Variants in MYH8 observed in about 807,000 individuals in gnomAD.
The protein encoded by MYH8 is myosin-8.
In MYH8, 168 loss-of-function variants were observed where a neutral mutation model predicts 233.2. The observed-to-expected ratio is 0.72, with a 90% CI of 0.64 to 0.82. The LOEUF (loss-of-function observed/expected upper bound fraction) is 0.82. MYH8 is among the 40% of genes least tolerant of loss of function. The pLI, the probability that MYH8 is intolerant of heterozygous loss-of-function variation, is 0.00. For synonymous variants in MYH8, 785 were observed against 850.6 expected, an observed-to-expected ratio of 0.92 and a Z score of 1.34; for missense variants, 1,995 against 2,327.8, an observed-to-expected ratio of 0.86 and a Z score of 2.94.
At position 10,401,114 on chromosome 17, in the gene MYH8, G is replaced by T. The variant is rs779916889; in HGVS notation, c.3186C>A (p.Leu1062=). 1 of 1,614,048 alleles carries T rather than the reference G, an allele frequency of 6.2e-7. No homozygotes were observed. The stretch of plus-strand genomic sequence containing the variant: ...CCATTGTGGATTCTTGGGCCAATTT[G>T]AGGTCACCCTCCAGTTTCCGCTTTG... ...ERAKRKLEGD[L]KLAQESTMDM... The change falls in exon 25 of 40, where the codon CTC becomes CTA. Residue 1062 remains leucine, a synonymous_variant. Transcript: ENST00000403437.
Position 10,414,494 on chromosome 17 carries a change from G to GA in MYH8, c.806-11dup, listed in dbSNP as rs1335435522. ...GACTTTTCTAAAAGATCTGGAGAGGGAAATAGATATCGAGTTTGAAAAAAG... is the reference window on the plus strand; with the variant it reads ...GACTTTTCTAAAAGATCTGGAGAGGGAAAATAGATATCGAGTTTGAAAAAAG... On this transcript the variant is annotated splice_polypyrimidine_tract_variant and intron_variant, in intron 9 of 39. Transcript: ENST00000403437. 8 of 1,558,618 alleles carry GA rather than the reference G, an allele frequency of 5.1e-6. No individual in the cohort carries two copies. In the African/African-American group the frequency reaches 8.1e-5, roughly 16 times the overall value.
chr17:10,390,377 A>G lies in MYH8; in HGVS notation c.*77T>C. On this transcript the variant is annotated 3_prime_UTR_variant, in exon 40 of 40. Transcript: ENST00000403437. The stretch of plus-strand genomic sequence containing the variant: ...TTATTCAGCTTTAACAGGAAAATAA[A>G]CGTCATAAAGCAAGTGACCAAAAAT... The G allele has an allele frequency of 1.3e-6, 2 of 1,554,646 alleles. No individual in the cohort carries two copies. Among genetic ancestry groups the G allele is most frequent in the South Asian group, 2.2e-5 (2 of 89,690 alleles).
At chr17:10,406,236 A>C (rs2072191755) in intron 20 of MYH8, 38 bp downstream of exon 20, 1 of 1,614,108 alleles carries the variant, frequency 6.2e-7, no homozygotes, top group Non-Finnish European at 8.5e-7. Flanking sequence ...GAAATGGCAG[A>C]AGGTACTTGG....
Position 10,412,596 on chromosome 17 carries a change from G to A in MYH8, c.1266+14C>T. The A allele has an allele frequency of 1.2e-6, 2 of 1,614,142 alleles. No individual in the cohort carries two copies. The highest frequency in any genetic ancestry group is 8.5e-7 in the Non-Finnish European group (1 of 1,179,964). On this transcript the variant is annotated intron_variant, in intron 13 of 39. Coordinates refer to ENST00000403437, the MANE Select transcript of MYH8 (RefSeq NM_002472.3). ...GCCTGAGATGTGTGTGATTCATTGAGGTCATGCACTTACCTGCTGCACAGT... is the reference window on the plus strand; with the variant it reads ...GCCTGAGATGTGTGTGATTCATTGAAGTCATGCACTTACCTGCTGCACAGT...
In MYH8 at chr17:10,406,923, C is replaced by A; in HGVS notation, c.2022G>T (p.Arg674=). 1 of 1,613,920 alleles carries A rather than the reference C, an allele frequency of 6.2e-7. No homozygotes were observed. Among genetic ancestry groups the A allele is most frequent in the Non-Finnish European group, 8.5e-7 (1 of 1,179,932 alleles). The change falls in exon 18 of 40, where the codon CGG becomes CGT. Residue 674 remains arginine, a synonymous_variant. Coordinates refer to ENST00000403437, the MANE Select transcript of MYH8 (RefSeq NM_002472.3). ...NLRSTHPHFV[R]CIIPNETKTP... is the part of the protein sequence containing the mutation. ...TTTTGGTTTCATTGGGAATGATACA[C>A]CGTACGAAGTGAGGGTGTGTGCTCC...
intron 27 of MYH8, 135 bp from the exon 28 acceptor site, chr17:10,399,804 A>T: frequency 7.7e-7 from 1 of 1,297,030 alleles, no homozygotes. Context: ...ACTCTGTGGA[A>T]CATGCAAGAA....
In MYH8 at chr17:10,400,736, G is replaced by A; in HGVS notation, c.3389C>T (p.Ala1130Val). The change falls in exon 27 of 40, where the codon GCG becomes GTG. Residue 1130 changes from alanine (A) to valine (V), a missense_variant. Ala to Val is a moderately conservative substitution (Grantham distance 64, BLOSUM62 0). This residue lies in a region of MYH8 where 1,498 missense variants were observed against 1,680.9 expected (regional missense o/e 0.89). Coordinates refer to ENST00000403437, the MANE Select transcript of MYH8 (RefSeq NM_002472.3). The surrounding 1 kb of genome is among the most constrained non-coding windows in gnomAD (Gnocchi z 4.0). ...ELGEEIEAERASRAKAEKQRS... is the reference protein window; with the variant it reads ...ELGEEIEAERVSRAKAEKQRS... ...CTGCTTCTCCGCTTTGGCTCGGGAC[G>A]CCCTCTCTGCCTCGATTTCTTCCCC... 6.2e-7 allele frequency: 1 copy of A among 1,614,080 alleles called. No homozygotes were observed. Among genetic ancestry groups the A allele is most frequent in the Non-Finnish European group, 8.5e-7 (1 of 1,180,036 alleles).
At chr17:10,412,298 T>A (rs1201078031) in intron 14 of MYH8, 72 bp downstream of exon 14, 1 of 1,613,838 alleles carries the variant, frequency 6.2e-7, no homozygotes, top group Middle Eastern at 1.7e-4. Context: ...TAAATGTGGA[T>A]GAATAATGAT....
At chr17:10,393,920 T>C (rs2072053297) in intron 35 of MYH8, among the ~76,000 whole-genome samples, 1 of 149,544 alleles carries the variant, frequency 6.7e-6, no homozygotes, top group Admixed American at 6.7e-5. Context: ...CTTTACTCAA[T>C]AGTATTCTAC....
intron 28 of MYH8, among the ~76,000 whole-genome samples, chr17:10,399,340 G>A (rs531591767): frequency 5.9e-5 from 9 of 152,132 alleles, no homozygotes; most frequent in Admixed American, 2.6e-4. Flanking sequence ...GGTTAGAACC[G>A]GAGATTTAAA....
chr17:10,395,228 C>T lies in MYH8; in HGVS notation c.4867G>A (p.Gly1623Arg). The change falls in exon 34 of 40, where the codon GGA becomes AGA. Residue 1623 changes from glycine (G) to arginine (R), a missense_variant. Around this residue, in one of 3 missense-constraint regions of MYH8, gnomAD observed 1,498 missense variants for 1,680.9 expected, o/e 0.89. Coordinates refer to ENST00000403437, the MANE Select transcript of MYH8 (RefSeq NM_002472.3). Reference protein sequence around the residue: ...DALRVKKKMEGDLNEMEIQLN... With the variant: ...DALRVKKKMERDLNEMEIQLN... ...TGGATTTCCATTTCATTCAGATCTCCTTCCATTTTCTTCTTGACTCTCAGA... is the reference window on the plus strand; with the variant it reads ...TGGATTTCCATTTCATTCAGATCTCTTTCCATTTTCTTCTTGACTCTCAGA... 1.2e-6 allele frequency: 2 copies of T among 1,614,118 alleles called. No homozygotes were observed. The highest frequency in any genetic ancestry group is 1.7e-6 in the Non-Finnish European group (2 of 1,180,030).
rs759893727 is a variant in MYH8, at chr17:10,420,189, G to A, written c.39C>T (p.Gly13=). 1.1e-5 allele frequency: 17 copies of A among 1,613,694 alleles called. No homozygotes were observed. Among genetic ancestry groups the A allele is most frequent in the Non-Finnish European group, 1.4e-5 (16 of 1,180,026 alleles). Residue 13 remains glycine, a synonymous_variant, in exon 3 of 40, where the codon GGC becomes GGT. Coordinates refer to ENST00000403437, the MANE Select transcript of MYH8 (RefSeq NM_002472.3). ...ASSDAEMAVF[G]EAAPYLRKSE... The stretch of plus-strand genomic sequence containing the variant: ...ATTTTCGAAGGTAGGGAGCAGCTTC[G>A]CCAAAAACAGCCATCTCAGCGTCTG...
rs1307243207 is a variant in MYH8 at position 10,400,892 on chromosome 17, G to A, written c.3322C>T (p.Gln1108Ter). The A allele has an allele frequency of 1.9e-6, 3 of 1,613,836 alleles. No individual in the cohort carries two copies. The highest frequency in any genetic ancestry group is 1.6e-4 in the Middle Eastern group (1 of 6,062). Residue 1108 changes from glutamine (Q) to a stop codon, truncating the protein, a stop_gained, in exon 26 of 40, where the codon CAG becomes TAG. Coordinates refer to ENST00000403437, the MANE Select transcript of MYH8 (RefSeq NM_002472.3). LOFTEE classifies it high-confidence loss of function. This position sits in a 1 kb window ranked among gnomAD's most constrained non-coding sequence, Gnocchi z 4.0. ...ACCTGCAACTCTTTGATCTTCTTCTGTAGTTGAATTTCTACAGCTTGCTCA... is the reference window on the plus strand; with the variant it reads ...ACCTGCAACTCTTTGATCTTCTTCTATAGTTGAATTTCTACAGCTTGCTCA... Reference protein sequence around the residue: ...EDEQAVEIQLQKKIKELQARI... With the variant: ...EDEQAVEIQL
Position 10,400,347 on chromosome 17 carries a change from T to C in MYH8, c.3735+43A>G. 1.2e-6 allele frequency: 2 copies of C among 1,605,548 alleles called. No individual in the cohort carries two copies. Among genetic ancestry groups the C allele is most frequent in the Non-Finnish European group, 1.7e-6 (2 of 1,178,974 alleles). ...GTTTAGTGATAGAGAATAATGGGTG[T>C]TCTTACAGATGATTACCTTCATTTA... On this transcript the variant is annotated intron_variant, in intron 27 of 39. Coordinates refer to ENST00000403437, the MANE Select transcript of MYH8 (RefSeq NM_002472.3). The surrounding 1 kb of genome is among the most constrained non-coding windows in gnomAD (Gnocchi z 4.0).
intron 19 of MYH8, 114 bp from the exon 20 acceptor site, chr17:10,406,511 C>T: frequency 6.6e-7 from 1 of 1,507,680 alleles, no homozygotes; most frequent in Non-Finnish European, 9.2e-7. Flanking sequence ...AGTGGAAAAT[C>T]CAACTGCCGT....
At chr17:10,414,893 G>A (rs1487695861) in intron 9 of MYH8, among the ~76,000 whole-genome samples, 3 of 152,282 alleles carry the variant, frequency 2.0e-5, no homozygotes, top group South Asian at 4.2e-4. Flanking sequence ...AGTTGCTTCT[G>A]AGGCAGGAAT....
chr17:10,390,378 C>G lies in MYH8; in HGVS notation c.*76G>C, dbSNP rs3744551. The G allele has an allele frequency of 0.041, 64,395 of 1,555,640 alleles. 1,601 individuals carry two copies. Among genetic ancestry groups the G allele is most frequent in the South Asian group, 0.052 (4,708 of 89,720 alleles). ...TATTCAGCTTTAACAGGAAAATAAA[C>G]GTCATAAAGCAAGTGACCAAAAATA... On this transcript the variant is annotated 3_prime_UTR_variant, in exon 40 of 40. Transcript: ENST00000403437.
chr17:10,414,523 C>G, intron 9 of MYH8, 39 bp from the exon 10 acceptor site: 7 of 1,366,704 alleles, frequency 5.1e-6, no homozygotes, highest in Non-Finnish European at 6.3e-6. Context: ...AAAAAAGTAT[C>G]AATGCTTCTG....
rs185688883 is a variant in MYH8, at chr17:10,400,475, T to C, written c.3650A>G (p.Lys1217Arg). ...ACTCTTCTCCTTCTCCAGCTTCTGT[T>C]TGACCCGCTGCAAGTTGTCAATCTG... ...GEQIDNLQRVKQKLEKEKSEL... is the reference protein window; with the variant it reads ...GEQIDNLQRVRQKLEKEKSEL... Residue 1217 changes from lysine to arginine, a missense_variant, in exon 27 of 40, where the codon AAA becomes AGA. This residue lies in a region of MYH8 where 1,498 missense variants were observed against 1,680.9 expected (regional missense o/e 0.89). Transcript: ENST00000403437. The surrounding 1 kb of genome is among the most constrained non-coding windows in gnomAD (Gnocchi z 4.0). 76 of 1,614,120 alleles carry C rather than the reference T, an allele frequency of 4.7e-5. 1 individual carries two copies. The Middle Eastern group carries it at 6.6e-4, about 14-fold the overall frequency.
Sources: gnomAD v4.1 joint callset for allele counts (sites outside exome capture counted in the v4.1 genomes callset) on GRCh38, gnomAD v4.1.1 for gene constraint, gnomAD v4.1.1 regional missense constraint, Gnocchi (gnomAD v3.1) non-coding constraint, MANE v1.5 for transcripts, NCBI Gene and HGNC (gene_info 2026-07-23, HGNC 2026-07-21) for gene names.